MAGI2: variants seen among roughly 807,000 people sequenced by gnomAD.
MAGI2 encodes membrane-associated guanylate kinase, WW and PDZ domain-containing protein 2.
Under a neutral mutation model 133.3 loss-of-function variants are expected in MAGI2, and 35 were observed. The observed-to-expected ratio is 0.26, with a 90% confidence interval of 0.20 to 0.35. The LOEUF (loss-of-function observed/expected upper bound fraction) is 0.35. MAGI2 is among the 10% of genes least tolerant of loss of function. The probability of loss-of-function intolerance (pLI) is 1.00; values close to 1 mark genes in which losing one functional copy is unlikely to be tolerated. For synonymous variants in MAGI2, 729 were observed against 710.6 expected (o/e 1.03, Z -0.41); for missense variants, 1,636 against 1,863.4 (o/e 0.88, Z 2.25).
At chr7:78,544,388 T>G (rs1460409282) in intron 3 of MAGI2, among the ~76,000 whole-genome samples, 1 of 152,156 alleles carries the variant, frequency 6.6e-6, no homozygotes, top group Non-Finnish European at 1.5e-5. Context: ...ATAAAATGGG[T>G]CTTTTTAGAT....
At chr7:78,710,452 T>C (rs564359453) in intron 2 of MAGI2, among the ~76,000 whole-genome samples, 1 of 152,314 alleles carries the variant, frequency 6.6e-6, no homozygotes, top group Non-Finnish European at 1.5e-5. Flanking sequence ...AATGTGACTC[T>C]TGACCCATTC....
chr7:78,963,025 T>C (rs1802983990), intron 2 of MAGI2, among the ~76,000 whole-genome samples: 1 of 152,140 alleles, frequency 6.6e-6, no homozygotes, highest in Non-Finnish European at 1.5e-5. Context: ...ATAGAATTTA[T>C]CTTCACTTGC....
At chr7:78,702,069 A>G (rs1023536536) in intron 2 of MAGI2, among the ~76,000 whole-genome samples, 4 of 151,996 alleles carry the variant, frequency 2.6e-5, no homozygotes, top group African/African-American at 4.8e-5. Context: ...TCTGAACACA[A>G]ATGGTACAGT....
chr7:78,973,056 G>A (rs1454766862), intron 2 of MAGI2, among the ~76,000 whole-genome samples: 1 of 151,668 alleles, frequency 6.6e-6, no homozygotes, highest in Non-Finnish European at 1.5e-5. Flanking sequence ...AATACTGAAT[G>A]GTCACTGTTG....
intron 1 of MAGI2, among the ~76,000 whole-genome samples, chr7:79,146,423 C>A (rs1822630391): frequency 6.6e-6 from 1 of 152,238 alleles, no homozygotes; most frequent in South Asian, 2.1e-4. Flanking sequence ...ATCCTGTGTC[C>A]TTTGCCTCCT....
chr7:78,086,924 C>A (rs1816708689), intron 20 of MAGI2, among the ~76,000 whole-genome samples: 1 of 152,204 alleles, frequency 6.6e-6, no homozygotes, highest in South Asian at 2.1e-4. Context: ...GCGTGAGCTA[C>A]TGCGTCTGGC....
intron 3 of MAGI2, among the ~76,000 whole-genome samples, chr7:78,592,825 T>G (rs938314328): frequency 5.5e-5 from 5 of 90,402 alleles, no homozygotes; most frequent in Non-Finnish European, 1.1e-4. Flanking sequence ...AATTACTGAT[T>G]CTCTTTTTTT....
intron 1 of MAGI2, among the ~76,000 whole-genome samples, chr7:79,326,994 C>T (rs1839743898): frequency 6.6e-6 from 1 of 152,152 alleles, no homozygotes; most frequent in Non-Finnish European, 1.5e-5. Flanking sequence ...GGTCTTTTCA[C>T]ATTTTCAGAA....
chr7:78,810,874 T>G (rs1452072405), intron 2 of MAGI2, among the ~76,000 whole-genome samples: 1 of 152,110 alleles, frequency 6.6e-6, no homozygotes, highest in Non-Finnish European at 1.5e-5. Flanking sequence ...ATGCTGGTAA[T>G]AATAACTGAC....
chr7:79,346,197 T>C (rs1285598483), intron 1 of MAGI2, among the ~76,000 whole-genome samples: 2 of 152,000 alleles, frequency 1.3e-5, no homozygotes, highest in Non-Finnish European at 2.9e-5. Context: ...TTTCATTTTC[T>C]TATGAGTCCT....
chr7:78,846,205 A>G (rs1238525560), intron 2 of MAGI2, among the ~76,000 whole-genome samples: 1 of 151,920 alleles, frequency 6.6e-6, no homozygotes, highest in African/African-American at 2.4e-5. Context: ...AAAAATGAAG[A>G]AAAAACAAGT....
intron 4 of MAGI2, among the ~76,000 whole-genome samples, chr7:78,520,771 C>T (rs1022890738): frequency 6.7e-6 from 1 of 148,178 alleles, no homozygotes; most frequent in Non-Finnish European, 1.5e-5. Context: ...GTGTCTAATT[C>T]TTCACATATG....
At chr7:79,057,061 A>G (rs538413616) in intron 1 of MAGI2, among the ~76,000 whole-genome samples, 44 of 152,352 alleles carry the variant, frequency 2.9e-4, no homozygotes, top group South Asian at 2.1e-3. Flanking sequence ...TTGTTTTAAA[A>G]TCTTACCTCA....
chr7:78,690,500 C>T (rs1816841994), intron 2 of MAGI2, among the ~76,000 whole-genome samples: 1 of 152,184 alleles, frequency 6.6e-6, no homozygotes, highest in African/African-American at 2.4e-5. Context: ...GAGCCACTCA[C>T]CAGATACTTT....
intron 1 of MAGI2, among the ~76,000 whole-genome samples, chr7:79,028,299 A>ATATATATATATGTGTG (rs1562805564): frequency 1.2e-4 from 10 of 85,040 alleles, no homozygotes; most frequent in African/African-American, 5.6e-4. Flanking sequence ...ATATGTGTGT[A>ATATATATATATGTGTG]TATATATATA....
At chr7:78,444,046 GA>G (rs1159889933) in intron 6 of MAGI2, among the ~76,000 whole-genome samples, 3 of 142,148 alleles carry the variant, frequency 2.1e-5, no homozygotes, top group South Asian at 4.7e-4. Context: ...TTTGTGGGAT[GA>G]AAAAAAATGG....
At chr7:78,941,942 T>C (rs1295297242) in intron 2 of MAGI2, among the ~76,000 whole-genome samples, 3 of 152,120 alleles carry the variant, frequency 2.0e-5, no homozygotes, top group Non-Finnish European at 2.9e-5. Context: ...CCCTTTGACT[T>C]CTCTACTCCA....
chr7:78,886,833 G>T (rs534458938), intron 2 of MAGI2, among the ~76,000 whole-genome samples: 1 of 152,236 alleles, frequency 6.6e-6, no homozygotes, highest in South Asian at 2.1e-4. Context: ...GATATGGTTT[G>T]GCTGTATCCC....
In MAGI2 at chr7:78,961,871, A is replaced by ATACCCCTAGGCTATATGGTATAGCCTC. The variant is rs1802874457; in HGVS notation, c.418+45218_418+45219insGAGGCTATACCATATAGCCTAGGGGTA. Among the ~76,000 whole-genome samples the ATACCCCTAGGCTATATGGTATAGCCTC allele has an allele frequency of 2.0e-5, 3 of 151,884 alleles. No individual in the cohort carries two copies. In the South Asian group the frequency reaches 6.2e-4, roughly 32 times the overall value. ...TACACAAACCTAGATGGTATAGCCT[A>ATACCCCTAGGCTATATGGTATAGCCTC]CTATACCCCTAGGCTATATGGTATA... On this transcript the variant is annotated intron_variant, in intron 2 of 21. Transcript: ENST00000354212.
Sources: gnomAD v4.1 joint callset for allele counts (sites outside exome capture counted in the v4.1 genomes callset) on GRCh38, gnomAD v4.1.1 for gene constraint, MANE v1.5 for transcripts, NCBI Gene and HGNC (gene_info 2026-07-23, HGNC 2026-07-21) for gene names.